SCAF8: variants seen among roughly 807,000 people sequenced by gnomAD.
The protein encoded by SCAF8 is SR-related CTD associated factor 8, also known as SR-related and CTD-associated factor 8.
SCAF8 carries 23 observed loss-of-function variants against 140.5 expected under a neutral mutation model. That is an observed-to-expected ratio of 0.16 (90% confidence interval 0.12 to 0.23). SCAF8 has a LOEUF of 0.23. Ranked by LOEUF, SCAF8 falls within the 10% of genes least tolerant of loss-of-function variation. The pLI is 1.00. For missense variants in SCAF8, 1,397 were observed against 1,555.7 expected (o/e 0.90, Z 1.72); for synonymous variants, 575 against 528.9 (o/e 1.09, Z -1.20).
intron 1 of SCAF8, among the ~76,000 whole-genome samples, chr6:154,734,326 G>C (rs893076361): frequency 8.5e-5 from 13 of 152,212 alleles, no homozygotes; most frequent in African/African-American, 3.1e-4. Flanking sequence ...TGACTCTCCA[G>C]ACCTTCCCGG....
At chr6:154,795,604 T>G (rs1444591332) in intron 6 of SCAF8, among the ~76,000 whole-genome samples, 2 of 152,058 alleles carry the variant, frequency 1.3e-5, no homozygotes, top group Non-Finnish European at 2.9e-5. Context: ...TTTGAGGAAG[T>G]GACATTTGAA....
At chr6:154,741,861 T>G in intron 1 of SCAF8, 6 of 759,634 alleles carry the variant, frequency 7.9e-6, no homozygotes, top group East Asian at 2.7e-5. Context: ...TAATCAACCT[T>G]GACCTTGAAC....
intron 1 of SCAF8, among the ~76,000 whole-genome samples, chr6:154,750,916 T>C (rs568353446): frequency 6.6e-6 from 1 of 152,300 alleles, no homozygotes; most frequent in Non-Finnish European, 1.5e-5. Flanking sequence ...TTGTTAATAG[T>C]ACTATATTAA....
chr6:154,777,656 A>G (rs536287622), intron 2 of SCAF8, among the ~76,000 whole-genome samples: 6 of 152,338 alleles, frequency 3.9e-5, no homozygotes, highest in Admixed American at 1.3e-4. Flanking sequence ...TCATGAATAT[A>G]AGAATATACA....
intron 4 of SCAF8, among the ~76,000 whole-genome samples, chr6:154,788,331 A>G (rs943115065): frequency 2.0e-5 from 3 of 152,198 alleles, no homozygotes; most frequent in Admixed American, 2.0e-4. Context: ...AGTAGGCTAT[A>G]CCGTCTAGGT....
chr6:154,739,451 C>G (rs1778512418), intron 1 of SCAF8, among the ~76,000 whole-genome samples: 1 of 152,128 alleles, frequency 6.6e-6, no homozygotes, highest in African/African-American at 2.4e-5. Context: ...TAGTGTATTA[C>G]AATGTAGCCT....
chr6:154,822,650 A>G (rs1213295944), intron 16 of SCAF8, among the ~76,000 whole-genome samples: 1 of 152,178 alleles, frequency 6.6e-6, no homozygotes, highest in Non-Finnish European at 1.5e-5. Context: ...TGTTTCTGAA[A>G]ACTCAGAGGA....
intron 1 of SCAF8, among the ~76,000 whole-genome samples, chr6:154,738,872 C>CTTGTTCTATTGTTTTTTTGTTTCCTTTT (rs1778496572): frequency 6.6e-6 from 1 of 152,158 alleles, no homozygotes; most frequent in African/African-American, 2.4e-5. Flanking sequence ...CTGGTAGGAT[C>CTTGTTCTATTGTTTTTTTGTTTCCTTTT]TTGTTCTATT....
intron 1 of SCAF8, among the ~76,000 whole-genome samples, chr6:154,754,453 G>C (rs1778915511): frequency 6.6e-6 from 1 of 152,142 alleles, no homozygotes; most frequent in Non-Finnish European, 1.5e-5. Context: ...GAGAAGAACT[G>C]GATTTGAGAC....
chr6:154,748,529 C>CTT (rs372335788), intron 1 of SCAF8, among the ~76,000 whole-genome samples: 48 of 148,314 alleles, frequency 3.2e-4, no homozygotes, highest in Middle Eastern at 3.5e-3. Flanking sequence ...TACCATGTTA[C>CTT]TTTTTTTTTT....
chr6:154,829,830 C>T (rs1170901406), intron 18 of SCAF8, among the ~76,000 whole-genome samples: 2 of 152,138 alleles, frequency 1.3e-5, no homozygotes, highest in Non-Finnish European at 2.9e-5. Context: ...TCACTTGAAC[C>T]CAGGAGGTGG....
chr6:154,793,997 C>T (rs944309720), intron 5 of SCAF8, among the ~76,000 whole-genome samples: 2 of 152,032 alleles, frequency 1.3e-5, no homozygotes, highest in African/African-American at 4.8e-5. Context: ...TCATAGCTCA[C>T]TGCAGCCTCG....
chr6:154,753,336 G>A (rs908317324), intron 1 of SCAF8, among the ~76,000 whole-genome samples: 11 of 152,148 alleles, frequency 7.2e-5, no homozygotes, highest in Non-Finnish European at 1.2e-4. Flanking sequence ...GTGTGGTGGC[G>A]CACACCTGTA....
intron 12 of SCAF8, among the ~76,000 whole-genome samples, chr6:154,812,404 A>G (rs1778123885): frequency 6.6e-6 from 1 of 151,256 alleles, no homozygotes. Context: ...TAGTGTAAAC[A>G]TATCTTTTGT....
In SCAF8 at chr6:154,818,493, G is replaced by C; in HGVS notation, c.1536G>C (p.Arg512=). 6.3e-7 allele frequency: 1 copy of C among 1,591,008 alleles called. No individual in the cohort carries two copies. The highest frequency in any genetic ancestry group is 8.6e-7 in the Non-Finnish European group (1 of 1,167,722). The stretch of plus-strand genomic sequence containing the variant: ...TTTTTTATTAGATGATTCCTCCCCG[G>C]GGCTGTGCTTATGTCTGCATGGTTC... ...QIESINMIPP[R]GCAYVCMVHR... is the part of the protein sequence containing the mutation. Residue 512 remains arginine, a synonymous_variant, in exon 14 of 20, where the codon CGG becomes CGC. Transcript: ENST00000367178.
intron 5 of SCAF8, among the ~76,000 whole-genome samples, chr6:154,793,555 C>A (rs553578152): frequency 6.6e-6 from 1 of 151,462 alleles, no homozygotes; most frequent in South Asian, 2.1e-4. Context: ...TGACTAACAC[C>A]TGTAATCCTA....
At chr6:154,757,305 C>T (rs1408601886) in intron 1 of SCAF8, among the ~76,000 whole-genome samples, 2 of 152,064 alleles carry the variant, frequency 1.3e-5, no homozygotes, top group Non-Finnish European at 2.9e-5. Context: ...AATAAATATA[C>T]TTTTTATACC....
At chr6:154,815,599 T>A (rs1322781121) in intron 12 of SCAF8, 117 bp from the exon 13 acceptor site, 2 of 418,242 alleles carry the variant, frequency 4.8e-6, no homozygotes, top group Non-Finnish European at 8.8e-6. Flanking sequence ...CAATTATTTT[T>A]AAATATATTA....
chr6:154,750,319 GGGTACC>G (rs1423542341), intron 1 of SCAF8, among the ~76,000 whole-genome samples: 1 of 152,142 alleles, frequency 6.6e-6, no homozygotes, highest in East Asian at 1.9e-4. Context: ...TATATGGGTT[GGGTACC>G]TGGAGAAAAC....
Sources: gnomAD v4.1 joint callset for allele counts (sites outside exome capture counted in the v4.1 genomes callset) on GRCh38, gnomAD v4.1.1 for gene constraint, MANE v1.5 for transcripts, NCBI Gene and HGNC (gene_info 2026-07-23, HGNC 2026-07-21) for gene names.